The following SPATA21 variants were observed in gnomAD, a reference collection of about 807,000 sequenced individuals.
The protein encoded by SPATA21 is spermatogenesis associated 21.
SPATA21 carries 47 observed loss-of-function variants against 54.8 expected under a neutral mutation model. That is an observed-to-expected ratio of 0.86 (90% CI 0.68 to 1.09). SPATA21 has a LOEUF of 1.09. SPATA21 is among the 50% of genes least tolerant of loss of function. SPATA21 has a pLI of 0.00. For synonymous variants in SPATA21, 245 were observed against 235.3 expected, an observed-to-expected ratio of 1.04 and a Z score of -0.38; for missense variants, 599 against 596.4, an observed-to-expected ratio of 1.00 and a Z score of -0.05.
intron 3 of SPATA21, among the ~76,000 whole-genome samples, chr1:16,426,144 T>C (rs918273557): frequency 6.6e-6 from 1 of 152,132 alleles, no homozygotes; most frequent in Non-Finnish European, 1.5e-5. Context: ...GATTTGAGCC[T>C]AAGGTCATAA....
intron 1 of SPATA21, among the ~76,000 whole-genome samples, chr1:16,436,550 G>C (rs768743847): frequency 6.6e-6 from 1 of 151,992 alleles, no homozygotes; most frequent in Non-Finnish European, 1.5e-5. Context: ...CAGATCACTC[G>C]AGGTCAGGAG....
Position 16,428,027 on chromosome 1 carries a change from T to C in SPATA21, c.34+3311A>G. The C allele has an allele frequency of 6.5e-7, 1 of 1,540,254 alleles. No individual in the cohort carries two copies. Among genetic ancestry groups the C allele is most frequent in the Non-Finnish European group, 8.8e-7 (1 of 1,138,608 alleles). ...TCCGGAAACATGACCTGGACAGAGA[T>C]ATCCATGGCAGTGGCTTGAGGGCTG... is the stretch of plus-strand genomic sequence containing the variant. On this transcript the variant is annotated intron_variant, in intron 3 of 12. Transcript: ENST00000335496. This position sits in a 1 kb window ranked among gnomAD's most constrained non-coding sequence, Gnocchi z 4.3.
intron 5 of SPATA21, among the ~76,000 whole-genome samples, chr1:16,411,634 C>G (rs1045598833): frequency 6.6e-6 from 1 of 151,744 alleles, no homozygotes; most frequent in Admixed American, 6.6e-5. Flanking sequence ...ACTAAAAATA[C>G]AAAAAATTCG....
chr1:16,409,026 T>C lies in SPATA21; in HGVS notation c.673+92A>G. The C allele has an allele frequency of 6.5e-6, 9 of 1,380,860 alleles. No homozygotes were observed. Among genetic ancestry groups the C allele is most frequent in the Non-Finnish European group, 9.2e-6 (9 of 980,362 alleles). The allele number at this position is 1,380,860 out of a possible 1,614,324, so 85.5% of individuals were successfully genotyped here. ...TACACATGGCGGCAGCCATGTGATC[T>C]GGAAAGCACCCCAGTCCGCCCTGCG... is the stretch of plus-strand genomic sequence containing the variant. On this transcript the variant is annotated intron_variant, in intron 7 of 12. Transcript: ENST00000335496. This position sits in a 1 kb window ranked among gnomAD's most constrained non-coding sequence, Gnocchi z 4.1.
At chr1:16,422,963 A>G (rs1387759190) in intron 3 of SPATA21, among the ~76,000 whole-genome samples, 1 of 152,124 alleles carries the variant, frequency 6.6e-6, no homozygotes. Context: ...TCAGGAATTC[A>G]TGACCAGCCT....
chr1:16,430,915 A>T lies in SPATA21; in HGVS notation c.34+423T>A, dbSNP rs143492887. On this transcript the variant is annotated intron_variant, in intron 3 of 12. Coordinates refer to ENST00000335496, the MANE Select transcript of SPATA21 (RefSeq NM_198546.1). ...GGAATGCTAAACCAGAGGGTGTAAG[A>T]TGGGAAGATGTAATCCTGGAGTGGC... Among the ~76,000 whole-genome samples, 317 of 152,336 alleles carry T rather than the reference A, an allele frequency of 2.1e-3. 3 individuals are homozygous for T. The highest frequency in any genetic ancestry group is 7.3e-3 in the African/African-American group (305 of 41,582).
chr1:16,407,047 G>A (rs1483394761), intron 7 of SPATA21, among the ~76,000 whole-genome samples: 1 of 152,320 alleles, frequency 6.6e-6, no homozygotes, highest in East Asian at 1.9e-4. Flanking sequence ...ATATCTGTAC[G>A]ATGGCCATGA....
intron 3 of SPATA21, among the ~76,000 whole-genome samples, chr1:16,429,478 GTTTA>G (rs1389483771): frequency 2.0e-5 from 3 of 151,604 alleles, no homozygotes; most frequent in East Asian, 1.9e-4. Context: ...TTGTTTGTTT[GTTTA>G]TTTATTTTTG....
chr1:16,418,312 C>T (rs1354174118), intron 5 of SPATA21, among the ~76,000 whole-genome samples: 3 of 152,128 alleles, frequency 2.0e-5, no homozygotes, highest in South Asian at 2.1e-4. Flanking sequence ...CGCTCTGTCG[C>T]CCAGGCCGGA....
intron 5 of SPATA21, among the ~76,000 whole-genome samples, chr1:16,416,245 T>A (rs2086002726): frequency 6.6e-6 from 1 of 152,152 alleles, no homozygotes; most frequent in Non-Finnish European, 1.5e-5. Flanking sequence ...TTGCAAGGTG[T>A]TAAGAGTGTC....
At position 16,421,984 on chromosome 1, in the gene SPATA21, C is replaced by T. The variant is rs112564075; in HGVS notation, c.35-13G>A. On this transcript the variant is annotated splice_polypyrimidine_tract_variant and intron_variant, in intron 3 of 12. Transcript: ENST00000335496. This position sits in a 1 kb window ranked among gnomAD's most constrained non-coding sequence, Gnocchi z 5.2. Reference sequence around the variant, plus strand: ...ACTGTCTTTTCCTCTGGAGCCACGACGGACATTGGGGGCATTGCTTCCTGA... The same window carrying T: ...ACTGTCTTTTCCTCTGGAGCCACGATGGACATTGGGGGCATTGCTTCCTGA... 5,702 of 1,614,190 alleles carry T rather than the reference C, an allele frequency of 3.5e-3. 174 individuals carry two copies. The African/African-American group carries it at 0.063, about 18-fold the overall frequency.
At chr1:16,422,364 T>G (rs996410595) in intron 3 of SPATA21, among the ~76,000 whole-genome samples, 7 of 152,150 alleles carry the variant, frequency 4.6e-5, no homozygotes, top group African/African-American at 1.7e-4. Context: ...GCACAGGTAC[T>G]CCCACATTTT....
chr1:16,398,322 G>A (rs1031762291), downstream of SPATA21, among the ~76,000 whole-genome samples: 5 of 152,054 alleles, frequency 3.3e-5, no homozygotes, highest in Non-Finnish European at 7.4e-5. Flanking sequence ...CCCAGAGAAT[G>A]AGAGCCCTGG....
At position 16,403,728 on chromosome 1, in the gene SPATA21, T is replaced by C; in HGVS notation, c.1000A>G (p.Asn334Asp). 2.5e-6 allele frequency: 4 copies of C among 1,612,196 alleles called. No individual in the cohort carries two copies. In the South Asian group the frequency reaches 4.4e-5, roughly 18 times the overall value. ...LPEAVLEEIT[N>D]YYQKKLKEGT... ...CCCCCAACAACCGGCCCCACTCACT[T>C]TGTGATTTCCTCTAAGACTGCCTCT... The change falls in exon 10 of 13, where the codon AAC becomes GAC. Residue 334 changes from asparagine to aspartate, a missense_variant and splice_region_variant. Coordinates refer to ENST00000335496, the MANE Select transcript of SPATA21 (RefSeq NM_198546.1).
Position 16,428,093 on chromosome 1 carries a change from C to T in SPATA21, c.34+3245G>A, listed in dbSNP as rs2086367800. The T allele has an allele frequency of 7.4e-6, 11 of 1,477,388 alleles. No homozygotes were observed. The highest frequency in any genetic ancestry group is 1.0e-5 in the Non-Finnish European group (11 of 1,098,882). The allele number at this position is 1,477,388 out of a possible 1,614,324, so 91.5% of individuals were successfully genotyped here. On this transcript the variant is annotated intron_variant, in intron 3 of 12. Coordinates refer to ENST00000335496, the MANE Select transcript of SPATA21 (RefSeq NM_198546.1). The surrounding 1 kb of genome is among the most constrained non-coding windows in gnomAD (Gnocchi z 4.3). ...TCTGGAGTGATCCCTCCCACTCCTC[C>T]CTGGGTACTCTTCTGGCCTCAAGGA...
At chr1:16,398,546 C>T (rs2085351047), downstream of SPATA21, 2 of 570,080 alleles carry the variant, frequency 3.5e-6, no homozygotes, top group South Asian at 2.0e-5. Context: ...GAAATCCCAA[C>T]CCCGCGCAGG....
intron 5 of SPATA21, among the ~76,000 whole-genome samples, chr1:16,420,778 A>C (rs2086149315): frequency 6.6e-6 from 1 of 151,988 alleles, no homozygotes; most frequent in African/African-American, 2.4e-5. Flanking sequence ...TCAGTGACAC[A>C]TGAGTGAGAT....
At position 16,428,434 on chromosome 1, in the gene SPATA21, G is replaced by C. The variant is rs1286248391; in HGVS notation, c.34+2904C>G. 6.6e-6 allele frequency among the ~76,000 whole-genome samples: 1 copy of C among 152,178 alleles called. No individual in the cohort carries two copies. The highest frequency in any genetic ancestry group is 2.4e-5 in the African/African-American group (1 of 41,468). ...AGAGAGAGTTTCCCTCCTTTGCCCAGGCTGGAGTGCAGTGGCACAGTCTCG... is the reference window on the plus strand; with the variant it reads ...AGAGAGAGTTTCCCTCCTTTGCCCACGCTGGAGTGCAGTGGCACAGTCTCG... On this transcript the variant is annotated intron_variant, in intron 3 of 12. Coordinates refer to ENST00000335496, the MANE Select transcript of SPATA21 (RefSeq NM_198546.1). The surrounding 1 kb of genome is among the most constrained non-coding windows in gnomAD (Gnocchi z 4.3).
In SPATA21 at chr1:16,409,648, T is replaced by G. The variant is rs2085767629; in HGVS notation, c.540A>C (p.Glu180Asp). The G allele has an allele frequency of 1.9e-6, 3 of 1,613,128 alleles. No individual in the cohort carries two copies. The highest frequency in any genetic ancestry group is 1.7e-5 in the Admixed American group (1 of 60,022). The part of the protein sequence containing the change: ...PALDLGWRRM[E>D]LLHQSSERTL... ...TTCTCTCGCTGCTCTGGTGCAAGAG[T>G]TCCATCCTTCTCCAGCCCAGGTCCA... Residue 180 changes from glutamate to aspartate, a missense_variant, in exon 6 of 13, where the codon GAA (glutamate) becomes GAC (aspartate). Transcript: ENST00000335496. The surrounding 1 kb of genome is among the most constrained non-coding windows in gnomAD (Gnocchi z 4.1).
Sources: allele counts gnomAD v4.1 joint callset (sites outside exome capture counted in the v4.1 genomes callset), GRCh38; gene constraint gnomAD v4.1.1; non-coding constraint Gnocchi (gnomAD v3.1); transcripts MANE v1.5; gene names NCBI Gene and HGNC (gene_info 2026-07-23, HGNC 2026-07-21).